SPTBN5: variants seen among roughly 807,000 people sequenced by gnomAD.
SPTBN5 encodes the protein spectrin beta, non-erythrocytic 5.
Under a neutral mutation model 477.6 loss-of-function variants are expected in SPTBN5, and 513 were observed. The ratio of observed to expected loss-of-function variants is 1.07; its 90% CI spans 1.00 to 1.16. SPTBN5 has a LOEUF of 1.16. Ranked by LOEUF, SPTBN5 falls within the 50% of genes most tolerant of loss-of-function variation. The pLI is 0.00. For synonymous variants in SPTBN5, 2,169 were observed against 2,011.7 expected, an observed-to-expected ratio of 1.08 and a Z score of -2.09; for missense variants, 5,062 against 4,731.8, an observed-to-expected ratio of 1.07 and a Z score of -2.05.
chr15:41,866,096 C>T lies in SPTBN5; in HGVS notation c.6764G>A (p.Arg2255Gln), dbSNP rs753921451. ...ALRGQELEDR[R>Q]NFLEFLQRVD... is the part of the protein sequence containing the mutation. ...TCTCTGCAGGAACTCCAGGAAGTTC[C>T]GCCTGTCCTCCAGCTCCTGGCCCCT... Residue 2255 changes from arginine (R) to glutamine (Q), a missense_variant, in exon 38 of 68, where the codon CGG (arginine) becomes CAG (glutamine). Coordinates refer to ENST00000320955, the MANE Select transcript of SPTBN5 (RefSeq NM_016642.4). 2.6e-5 allele frequency: 40 copies of T among 1,556,986 alleles called. No homozygotes were observed. Among genetic ancestry groups the T allele is most frequent in the African/African-American group, 1.4e-4 (10 of 73,286 alleles).
Position 41,868,195 on chromosome 15 carries a change from C to T in SPTBN5, c.6081G>A (p.Leu2027=). Residue 2027 remains leucine, a synonymous_variant, in exon 34 of 68, where the codon CTG becomes CTA. Coordinates refer to ENST00000320955, the MANE Select transcript of SPTBN5 (RefSeq NM_016642.4). ...TKEVQEELRA[L]QDQRDQVYQT... ...GATACACCTGGTCCCGCTGGTCCTG[C>T]AGGGCTCGAAGCTCTTCCTGGACCT... is the stretch of plus-strand genomic sequence containing the variant. The T allele has an allele frequency of 1.9e-6, 3 of 1,582,314 alleles. No individual in the cohort carries two copies. The highest frequency in any genetic ancestry group is 2.3e-5 in the East Asian group (1 of 43,496).
intron 49 of SPTBN5, among the ~76,000 whole-genome samples, chr15:41,858,027 T>C (rs966690102): frequency 1.3e-5 from 2 of 152,246 alleles, no homozygotes; most frequent in African/African-American, 4.8e-5. Context: ...CTGGGCACAG[T>C]GGCTCATTCC....
At chr15:41,874,546 T>C in intron 23 of SPTBN5, 68 bp from the exon 24 acceptor site, 1 of 1,344,710 alleles carries the variant, frequency 7.4e-7, no homozygotes, top group South Asian at 1.4e-5. Flanking sequence ...GGTTCTTTCC[T>C]TGGCCAAGCC....
rs759354325 is a variant in SPTBN5, at chr15:41,865,899, A to AC, written c.6826dup (p.Val2276GlyfsTer7). The AC allele has an allele frequency of 4.1e-5, 64 of 1,574,978 alleles. No homozygotes were observed. Among genetic ancestry groups the AC allele is most frequent in the Non-Finnish European group, 5.4e-5 (63 of 1,160,822 alleles). ...GCCCAGGTCACCAACATTCATCTTC[A>AC]CCTCCTGTGAAGGCCGAGGGTGGGG... On this transcript the variant is annotated frameshift_variant, in exon 39 of 68. Coordinates refer to ENST00000320955, the MANE Select transcript of SPTBN5 (RefSeq NM_016642.4). LOFTEE classifies it high-confidence loss of function.
chr15:41,858,665 C>A lies in SPTBN5; in HGVS notation c.8163G>T (p.Gln2721His). ...GCTCCGCCTGGAAATTCTGCTGCTT[C>A]TGTAACTGTGCTGGCAGCATGGCTG... ...LDTAMLPAQL[Q>H]KQQNFQAELD... The change falls in exon 49 of 68, where the codon CAG becomes CAT. Residue 2721 changes from glutamine to histidine, a missense_variant. Physicochemically the swap from Gln to His is conservative, Grantham distance 24 (BLOSUM62 0). Coordinates refer to ENST00000320955, the MANE Select transcript of SPTBN5 (RefSeq NM_016642.4). 1 of 1,611,600 alleles carries A rather than the reference C, an allele frequency of 6.2e-7. No individual in the cohort carries two copies. Among genetic ancestry groups the A allele is most frequent in the Non-Finnish European group, 8.5e-7 (1 of 1,179,414 alleles).
In SPTBN5 at chr15:41,877,145, GGTGGT is replaced by G; in HGVS notation, c.3677_3681del (p.Asn1226ThrfsTer77). ...AGGTTGTCCAGGTGCAGCCAGGCCT[GGTGGT>G]TGGCACAGGTGGCAGTGAAACCATC... On this transcript the variant is annotated frameshift_variant, in exon 18 of 68. Coordinates refer to ENST00000320955, the MANE Select transcript of SPTBN5 (RefSeq NM_016642.4). LOFTEE classifies it high-confidence loss of function. 2 of 1,613,948 alleles carry G rather than the reference GGTGGT, an allele frequency of 1.2e-6. No homozygotes were observed. Among genetic ancestry groups the G allele is most frequent in the Non-Finnish European group, 1.7e-6 (2 of 1,179,878 alleles).
Position 41,861,864 on chromosome 15 carries a change from C to T in SPTBN5, c.7608G>A (p.Leu2536=), listed in dbSNP as rs1338499187. The T allele has an allele frequency of 6.2e-7, 1 of 1,608,450 alleles. No individual in the cohort carries two copies. Among genetic ancestry groups the T allele is most frequent in the Non-Finnish European group, 8.5e-7 (1 of 1,179,530 alleles). The change falls in exon 45 of 68, where the codon CTG becomes CTA. Residue 2536 remains leucine (L), a synonymous_variant. Coordinates refer to ENST00000320955, the MANE Select transcript of SPTBN5 (RefSeq NM_016642.4). ...AGCTGAAGGGGTGCCCCGCTGTGAG[C>T]AGTTGCTGCCCAGTGCTTCGGGCCA... ...ISLARSTGQQ[L]LTAGHPFSSD...
rs567525248 is a variant in SPTBN5 at position 41,871,586 on chromosome 15, C to T, written c.5302-66G>A. The T allele has an allele frequency of 7.6e-4, 1,074 of 1,408,216 alleles. 2 individuals carry two copies. The highest frequency in any genetic ancestry group is 9.4e-4 in the Non-Finnish European group (1,007 of 1,075,546). 87.2% of individuals were successfully genotyped at this position (1,408,216 alleles called of 1,614,324 possible). ...GTTAGGCGTCAAGCAGCCTGGGAAT[C>T]GAGGCACCTCAGTGCCCAACTGGGT... On this transcript the variant is annotated intron_variant, in intron 28 of 67. Transcript: ENST00000320955.
rs1284759532 is a variant in SPTBN5 at position 41,861,779 on chromosome 15, A to G, written c.7693T>C (p.Trp2565Arg). ...TGCAGCTGTAGCTGATGCTCCTGCC[A>G]GGCCCCTTCCAGGCTGCTCAGCTCC... is the stretch of plus-strand genomic sequence containing the variant. ...EQELSSLEGA[W>R]QEHQLQLQQA... The change falls in exon 45 of 68, where the codon TGG becomes CGG. Residue 2565 changes from tryptophan (W) to arginine (R), a missense_variant. Transcript: ENST00000320955. 1 of 1,559,442 alleles carries G rather than the reference A, an allele frequency of 6.4e-7. No individual in the cohort carries two copies.
At position 41,865,729 on chromosome 15, in the gene SPTBN5, C is replaced by A. The variant is rs372304099; in HGVS notation, c.6918+79G>T. On this transcript the variant is annotated intron_variant, in intron 39 of 67. Transcript: ENST00000320955. ...ATGGCGCCCACGCCCTGCTCTACAG[C>A]CCACACTCTTTCCCTGCTCTCAGTT... 2.1e-5 allele frequency: 28 copies of A among 1,334,378 alleles called. No homozygotes were observed. The South Asian group carries it at 2.2e-4, about 10-fold the overall frequency. 82.7% of individuals were successfully genotyped at this position (1,334,378 alleles called of 1,614,324 possible).
chr15:41,856,460 G>A lies in SPTBN5; in HGVS notation c.8947C>T (p.His2983Tyr), dbSNP rs758394056. Reference sequence around the variant, plus strand: ...CTCCGCGCCGCCTCTGCCCGCAGGTGGGCCATGGCCTTCTCCAGCTGCTGC... The same window carrying A: ...CTCCGCGCCGCCTCTGCCCGCAGGTAGGCCATGGCCTTCTCCAGCTGCTGC... Reference protein sequence around the residue: ...RVQQLEKAMAHLRAEAARRRL... With the variant: ...RVQQLEKAMAYLRAEAARRRL... Residue 2983 changes from histidine (H) to tyrosine (Y), a missense_variant, in exon 53 of 68, where the codon CAC becomes TAC. His to Tyr is a moderately conservative substitution (Grantham distance 83). Transcript: ENST00000320955. The A allele has an allele frequency of 1.3e-6, 2 of 1,596,216 alleles. No individual in the cohort carries two copies. The highest frequency in any genetic ancestry group is 1.7e-6 in the Non-Finnish European group (2 of 1,172,382).
intron 38 of SPTBN5, 29 bp downstream of exon 38, chr15:41,866,009 T>C: frequency 6.5e-7 from 1 of 1,548,804 alleles, no homozygotes; most frequent in Non-Finnish European, 8.7e-7. Context: ...TCCCCCCATC[T>C]CTCAGCCCCC....
At chr15:41,886,494 G>A in intron 6 of SPTBN5, 128 bp from the exon 7 acceptor site, 1 of 1,080,362 alleles carries the variant, frequency 9.3e-7, no homozygotes, top group South Asian at 1.7e-5. Flanking sequence ...CTTTGAAGTG[G>A]TGGTACCCCC....
chr15:41,882,464 C>G lies in SPTBN5; in HGVS notation c.2052G>C (p.Leu684=), dbSNP rs1247498469. 8 of 1,554,526 alleles carry G rather than the reference C, an allele frequency of 5.1e-6. No individual in the cohort carries two copies. Among genetic ancestry groups the G allele is most frequent in the Non-Finnish European group, 6.9e-6 (8 of 1,156,032 alleles). The change falls in exon 11 of 68, where the codon CTG becomes CTC. Residue 684 remains leucine, a synonymous_variant. Coordinates refer to ENST00000320955, the MANE Select transcript of SPTBN5 (RefSeq NM_016642.4). The stretch of plus-strand genomic sequence containing the variant: ...CCTGGTGGCGGTGGACCTCAGCTTC[C>G]AGGGCCTAGCGGGGGGCAGAGCAGG... ...IAGALQKHKA[L]EAEVHRHQAV...
rs150485948 is a variant in SPTBN5, at chr15:41,863,917, G to A, written c.7026C>T (p.Leu2342=). The A allele has an allele frequency of 1.4e-3, 2,191 of 1,613,852 alleles. 4 individuals carry two copies. The highest frequency in any genetic ancestry group is 1.7e-3 in the Non-Finnish European group (2,057 of 1,179,850). Residue 2342 remains leucine (L), a synonymous_variant, in exon 40 of 68, where the codon CTC becomes CTT. Coordinates refer to ENST00000320955, the MANE Select transcript of SPTBN5 (RefSeq NM_016642.4). The part of the protein sequence containing the change: ...VKIICQRRSQ[L]NNRWASFHGN... ...CCCAGCCTGGGACTGGCCTGTTGTT[G>A]AGCTGGCTTCGCCGCTGGCAGATGA...
intron 16 of SPTBN5, 56 bp from the exon 17 acceptor site, chr15:41,878,685 G>A: frequency 6.5e-7 from 1 of 1,541,660 alleles, no homozygotes; most frequent in Non-Finnish European, 8.8e-7. Flanking sequence ...TGGTGCCCCA[G>A]GCACATGTCC....
At position 41,850,855 on chromosome 15, in the gene SPTBN5, T is replaced by C. The variant is rs778711994; in HGVS notation, c.10920A>G (p.Ala3640=). The C allele has an allele frequency of 6.3e-7, 1 of 1,594,080 alleles. No homozygotes were observed. The highest frequency in any genetic ancestry group is 8.5e-7 in the Non-Finnish European group (1 of 1,171,354). Residue 3640 remains alanine (A), a splice_region_variant and synonymous_variant, in exon 66 of 68, where the codon GCA becomes GCG. Coordinates refer to ENST00000320955, the MANE Select transcript of SPTBN5 (RefSeq NM_016642.4). ...CCGCATCCTTCCCCTGAAGCCCACC[T>C]GCAGTGCTGCCCAGGGCTCGCCACC... ...ESWWRALGST[A]AQSLSPKLKA... is the part of the protein sequence containing the mutation.
At chr15:41,890,561 C>A (rs1299164940) in intron 3 of SPTBN5, among the ~76,000 whole-genome samples, 2 of 152,240 alleles carry the variant, frequency 1.3e-5, no homozygotes, top group East Asian at 3.8e-4. Context: ...ATGTGTGAGC[C>A]CAACAGACAA....
chr15:41,863,418 T>A (rs372674499), intron 41 of SPTBN5, among the ~76,000 whole-genome samples: 3 of 152,284 alleles, frequency 2.0e-5, no homozygotes, highest in African/African-American at 7.2e-5. Flanking sequence ...GAGAGTGTGT[T>A]TTCTGGCCTC....
Sources: allele counts gnomAD v4.1 joint callset (sites outside exome capture counted in the v4.1 genomes callset), GRCh38; gene constraint gnomAD v4.1.1; transcripts MANE v1.5; gene names NCBI Gene and HGNC (gene_info 2026-07-23, HGNC 2026-07-21).